ZBTB20: variants seen among roughly 807,000 people sequenced by gnomAD.
The protein encoded by ZBTB20 is zinc finger and BTB domain-containing protein 20.
A neutral mutation model predicts 56.9 loss-of-function variants in ZBTB20; 9 were observed. The observed-to-expected ratio is 0.16, with a 90% CI of 0.10 to 0.28. The LOEUF is 0.28. Among genes scored for constraint, ZBTB20 ranks in the 10% least tolerant of loss-of-function variants. The pLI, the probability that ZBTB20 is intolerant of heterozygous loss-of-function variation, is 1.00. For missense variants in ZBTB20, 655 were observed against 1,003.0 expected (o/e 0.65, Z 4.69); for synonymous variants, 417 against 420.7 (o/e 0.99, Z 0.11).
intron 2 of ZBTB20, among the ~76,000 whole-genome samples, chr3:115,010,409 G>A (rs542089151): frequency 1.2e-3 from 187 of 151,956 alleles, no homozygotes; most frequent in Non-Finnish European, 2.0e-3. Context: ...CTGCAAAGGA[G>A]CTTGGGTCAC....
At chr3:114,986,746 T>G (rs897336059) in intron 2 of ZBTB20, among the ~76,000 whole-genome samples, 3 of 152,176 alleles carry the variant, frequency 2.0e-5, no homozygotes, top group African/African-American at 7.2e-5. Context: ...TTTTTCAAAA[T>G]TGTGTTTTAA....
At chr3:114,737,034 T>C (rs531955458) in intron 5 of ZBTB20, among the ~76,000 whole-genome samples, 2 of 152,302 alleles carry the variant, frequency 1.3e-5, no homozygotes, top group South Asian at 2.1e-4. Context: ...TATACCACTA[T>C]AGATACACTT....
At chr3:114,908,166 T>C (rs2075391106) in intron 3 of ZBTB20, among the ~76,000 whole-genome samples, 1 of 151,920 alleles carries the variant, frequency 6.6e-6, no homozygotes, top group African/African-American at 2.4e-5. Flanking sequence ...CGAAAGGCAT[T>C]CAAGCCAAAG....
Position 114,459,602 on chromosome 3 carries a change from A to G in ZBTB20, c.-255+40750T>C, listed in dbSNP as rs576821383. Among the ~76,000 whole-genome samples the G allele has an allele frequency of 4.6e-5, 7 of 152,242 alleles. No homozygotes were observed. The East Asian group carries it at 1.4e-3, about 29-fold the overall frequency. ...GTAGATGATCTCCCAGAAAAGCTGGAAGCAACAAATTTTAATTCCCTTTGT... is the reference window on the plus strand; with the variant it reads ...GTAGATGATCTCCCAGAAAAGCTGGGAGCAACAAATTTTAATTCCCTTTGT... On this transcript the variant is annotated intron_variant, in intron 7 of 11. Coordinates refer to ENST00000675478, the MANE Select transcript of ZBTB20 (RefSeq NM_001348800.3).
At chr3:114,806,926 A>C (rs903365771) in intron 4 of ZBTB20, among the ~76,000 whole-genome samples, 3 of 151,978 alleles carry the variant, frequency 2.0e-5, no homozygotes, top group Non-Finnish European at 2.9e-5. Context: ...TTAATTGATC[A>C]AAAATATGAT....
At chr3:114,834,077 A>G (rs769511593) in intron 4 of ZBTB20, among the ~76,000 whole-genome samples, 6 of 152,174 alleles carry the variant, frequency 3.9e-5, no homozygotes, top group Non-Finnish European at 7.3e-5. Flanking sequence ...TTTTCTGTGT[A>G]TATTGCTATT....
intron 7 of ZBTB20, among the ~76,000 whole-genome samples, chr3:114,441,655 A>G (rs1479692426): frequency 6.6e-6 from 1 of 152,142 alleles, no homozygotes; most frequent in Non-Finnish European, 1.5e-5. Context: ...CTGTTGTACC[A>G]CTACATTTAT....
At chr3:114,836,368 A>T (rs1315717360) in intron 4 of ZBTB20, among the ~76,000 whole-genome samples, 1 of 152,194 alleles carries the variant, frequency 6.6e-6, no homozygotes, top group Admixed American at 6.5e-5. Context: ...TAAAAAATGG[A>T]AGTATATGGA....
chr3:114,689,937 G>C (rs1027817700), intron 6 of ZBTB20, among the ~76,000 whole-genome samples: 3 of 151,854 alleles, frequency 2.0e-5, no homozygotes, highest in African/African-American at 7.3e-5. Flanking sequence ...AACCTTTTCT[G>C]ATATTTTAAT....
intron 1 of ZBTB20, among the ~76,000 whole-genome samples, chr3:115,116,732 C>T (rs1309328217): frequency 6.6e-6 from 1 of 151,704 alleles, no homozygotes; most frequent in Non-Finnish European, 1.5e-5. Flanking sequence ...GAGACAGAGA[C>T]AGAGAGAAAG....
At chr3:114,517,142 C>T (rs1320941987) in intron 6 of ZBTB20, among the ~76,000 whole-genome samples, 1 of 151,320 alleles carries the variant, frequency 6.6e-6, no homozygotes, top group Non-Finnish European at 1.5e-5. Context: ...AGTAATCAAT[C>T]TATCAATCAA....
chr3:114,605,063 A>C (rs1330053538), intron 6 of ZBTB20, among the ~76,000 whole-genome samples: 1 of 152,076 alleles, frequency 6.6e-6, no homozygotes, highest in Non-Finnish European at 1.5e-5. Context: ...CTCAGTATGC[A>C]TAACATTCTT....
intron 5 of ZBTB20, among the ~76,000 whole-genome samples, chr3:114,743,144 A>G (rs2066746938): frequency 6.6e-6 from 1 of 152,146 alleles, no homozygotes; most frequent in Non-Finnish European, 1.5e-5. Context: ...ACAGGCTATG[A>G]TGAATGAATA....
intron 1 of ZBTB20, among the ~76,000 whole-genome samples, chr3:115,094,415 T>A (rs2083305207): frequency 6.6e-6 from 1 of 152,108 alleles, no homozygotes; most frequent in Non-Finnish European, 1.5e-5. Context: ...ACTGTTTAAA[T>A]GTCTTGGTGC....
Position 114,844,330 on chromosome 3 carries a change from A to AATATATATATATATAT in ZBTB20, c.-416-43172_-416-43157dup, listed in dbSNP as rs71146341. Among the ~76,000 whole-genome samples, 141 of 99,196 alleles carry AATATATATATATATAT rather than the reference A, an allele frequency of 1.4e-3. 3 individuals carry two copies. Among genetic ancestry groups the AATATATATATATATAT allele is most frequent in the African/African-American group, 2.8e-3 (47 of 16,742 alleles). 65.1% of individuals were successfully genotyped at this position (99,196 alleles called of 152,430 possible). A position where few individuals can be genotyped will look rare whatever the true frequency, so the allele number is the denominator to read the frequency against. ...GTTGCATAAGAAAATTACTGGAGTA[A>AATATATATATATATAT]ATATATATATATATATATATATATA... On this transcript the variant is annotated intron_variant, in intron 4 of 11. Transcript: ENST00000675478.
chr3:114,893,841 A>G (rs2074742568), intron 4 of ZBTB20, among the ~76,000 whole-genome samples: 1 of 152,200 alleles, frequency 6.6e-6, no homozygotes, highest in Non-Finnish European at 1.5e-5. Flanking sequence ...GCCAGAATCA[A>G]CGCTTGCAGT....
At chr3:114,484,798 A>AGTGTGTGT (rs146057079) in intron 7 of ZBTB20, among the ~76,000 whole-genome samples, 6,002 of 150,496 alleles carry the variant, frequency 0.04, 154 homozygotes, top group Middle Eastern at 0.14. Context: ...ATATCAATAG[A>AGTGTGTGT]GTGTGTGTGT....
At chr3:114,582,647 C>T (rs753139233) in intron 6 of ZBTB20, among the ~76,000 whole-genome samples, 2 of 152,034 alleles carry the variant, frequency 1.3e-5, no homozygotes, top group Admixed American at 6.5e-5. Flanking sequence ...CCTAAAGTGC[C>T]GGGATTATAG....
chr3:114,831,592 AG>A (rs2073847073), intron 4 of ZBTB20, among the ~76,000 whole-genome samples: 1 of 152,080 alleles, frequency 6.6e-6, no homozygotes, highest in Non-Finnish European at 1.5e-5. Context: ...GGTACTGCCT[AG>A]GTTGTAAGCT....
Sources: allele counts gnomAD v4.1 joint callset (sites outside exome capture counted in the v4.1 genomes callset), GRCh38; gene constraint gnomAD v4.1.1; transcripts MANE v1.5; gene names NCBI Gene and HGNC (gene_info 2026-07-23, HGNC 2026-07-21).